Variants in MYO16 observed in about 807,000 individuals in gnomAD.
MYO16 encodes the protein myosin XVI.
MYO16 carries 94 observed loss-of-function variants against 205.3 expected under a neutral mutation model. The observed-to-expected ratio is 0.46, with a 90% CI of 0.39 to 0.54. The LOEUF is 0.54. Ranked by LOEUF, MYO16 falls within the 20% of genes least tolerant of loss-of-function variation. The probability of loss-of-function intolerance (pLI) is 0.00; values close to 1 mark genes in which losing one functional copy is unlikely to be tolerated. For synonymous variants in MYO16, 988 were observed against 954.0 expected (o/e 1.04, Z -0.66); for missense variants, 2,315 against 2,387.5 (o/e 0.97, Z 0.63).
chr13:108,575,356 C>T, the MYO16 span, among the ~76,000 whole-genome samples: 1 of 152,168 alleles, frequency 6.6e-6, no homozygotes, highest in Non-Finnish European at 1.5e-5. Flanking sequence ...CCTTTGCCTG[C>T]ACACCTCTAG....
At chr13:109,052,001 G>C (rs1887261429) in intron 24 of MYO16, among the ~76,000 whole-genome samples, 1 of 152,148 alleles carries the variant, frequency 6.6e-6, no homozygotes, top group African/African-American at 2.4e-5. Flanking sequence ...CCTTAGGTCT[G>C]AGCAGGTAAG....
intron 1 of MYO16, among the ~76,000 whole-genome samples, chr13:108,608,124 A>G (rs1054137204): frequency 7.2e-5 from 11 of 151,900 alleles, no homozygotes; most frequent in African/African-American, 2.2e-4. Flanking sequence ...ATTTCTGGAA[A>G]CTCTGATTTT....
At chr13:108,837,846 A>T (rs2139056415) in intron 9 of MYO16, among the ~76,000 whole-genome samples, 1 of 152,294 alleles carries the variant, frequency 6.6e-6, no homozygotes, top group African/African-American at 2.4e-5. Context: ...ATTTATTCTA[A>T]AGAAATCTTT....
chr13:108,815,682 C>A (rs543492839), intron 7 of MYO16, among the ~76,000 whole-genome samples: 2 of 152,262 alleles, frequency 1.3e-5, no homozygotes, highest in South Asian at 2.1e-4. Flanking sequence ...AAGCCACGAA[C>A]CTTGTGGTGA....
chr13:108,578,239 T>A, the MYO16 span, among the ~76,000 whole-genome samples: 39 of 152,308 alleles, frequency 2.6e-4, no homozygotes, highest in African/African-American at 9.1e-4. Context: ...AGCTGGGAAA[T>A]CTGTGTAGGG....
At chr13:109,029,068 A>G (rs1344531981) in intron 23 of MYO16, among the ~76,000 whole-genome samples, 1 of 150,238 alleles carries the variant, frequency 6.7e-6, no homozygotes, top group African/African-American at 2.4e-5. Context: ...TAGATGATCT[A>G]GTGATGAAAG....
intron 2 of MYO16, among the ~76,000 whole-genome samples, chr13:108,666,968 G>C (rs933089843): frequency 6.6e-6 from 1 of 152,096 alleles, no homozygotes; most frequent in African/African-American, 2.4e-5. Flanking sequence ...ACCTTGACTG[G>C]CTCTCAAATC....
intron 15 of MYO16, among the ~76,000 whole-genome samples, chr13:108,903,227 T>C (rs1355911789): frequency 6.6e-6 from 1 of 152,248 alleles, no homozygotes; most frequent in East Asian, 1.9e-4. Context: ...AACAATCTCC[T>C]ACCCCTGGAA....
intron 32 of MYO16, among the ~76,000 whole-genome samples, chr13:109,158,634 C>T (rs1175634916): frequency 6.6e-6 from 1 of 152,148 alleles, no homozygotes; most frequent in Non-Finnish European, 1.5e-5. Context: ...AAGATTTCAT[C>T]ATGTAGATTA....
intron 27 of MYO16, among the ~76,000 whole-genome samples, chr13:109,071,806 C>G (rs568841329): frequency 6.6e-6 from 1 of 152,110 alleles, no homozygotes; most frequent in African/African-American, 2.4e-5. Flanking sequence ...ATCACAGGAA[C>G]TAGTAAAATA....
intron 16 of MYO16, among the ~76,000 whole-genome samples, chr13:108,918,348 G>A (rs538918343): frequency 1.6e-4 from 24 of 152,302 alleles, no homozygotes; most frequent in East Asian, 1.3e-3. Context: ...ATAAAATTGC[G>A]CAAGAAACTA....
chr13:108,855,429 C>A lies in MYO16; in HGVS notation c.1249-14C>A. On this transcript the variant is annotated splice_polypyrimidine_tract_variant and intron_variant, in intron 10 of 34. Coordinates refer to ENST00000457511, the MANE Select transcript of MYO16 (RefSeq NM_001198950.3). ...AAGCAATTAGAATTGATCATACTTT[C>A]GGTTCTTCCCCAGGTCAAGCTAATG... 1 of 1,503,680 alleles carries A rather than the reference C, an allele frequency of 6.7e-7. No individual in the cohort carries two copies. The highest frequency in any genetic ancestry group is 9.1e-7 in the Non-Finnish European group (1 of 1,097,434). 93.1% of individuals were successfully genotyped at this position (1,503,680 alleles called of 1,614,324 possible). A position where few individuals can be genotyped will look rare whatever the true frequency, so the allele number is the denominator to read the frequency against.
intron 23 of MYO16, among the ~76,000 whole-genome samples, chr13:109,020,184 G>C (rs994134846): frequency 1.3e-5 from 2 of 152,140 alleles, no homozygotes; most frequent in African/African-American, 4.8e-5. Context: ...TTAATACAAA[G>C]AGCTCTGCTA....
intron 20 of MYO16, among the ~76,000 whole-genome samples, chr13:108,983,031 G>A (rs116028392): frequency 0.019 from 2,842 of 152,018 alleles, 81 homozygotes; most frequent in African/African-American, 0.065. Context: ...ATTGATATCC[G>A]TCTCCCGACT....
Position 109,127,051 on chromosome 13 carries a change from G to A in MYO16, c.3783-231G>A, listed in dbSNP as rs1382703153. Among the ~76,000 whole-genome samples, 4 of 152,182 alleles carry A rather than the reference G, an allele frequency of 2.6e-5. No homozygotes were observed. The highest frequency in any genetic ancestry group is 7.2e-5 in the African/African-American group (3 of 41,448). ...AGAATGTTTAAAAAGTAATCATGAT[G>A]GATATCCCGCGGGCTCATGTGCTTT... On this transcript the variant is annotated intron_variant, in intron 30 of 34. Transcript: ENST00000457511. This position sits in a 1 kb window ranked among gnomAD's most constrained non-coding sequence, Gnocchi z 4.2.
At chr13:108,911,955 C>T (rs572618113) in intron 16 of MYO16, among the ~76,000 whole-genome samples, 2 of 152,298 alleles carry the variant, frequency 1.3e-5, no homozygotes, top group African/African-American at 2.4e-5. Flanking sequence ...CCATTTACCT[C>T]GTGACAAGGC....
chr13:108,593,462 C>T (rs181213989), upstream of MYO16, among the ~76,000 whole-genome samples: 28 of 152,280 alleles, frequency 1.8e-4, no homozygotes, highest in East Asian at 5.2e-3. Context: ...CACCTGGACG[C>T]ACCTGAGACA....
At chr13:109,138,642 G>A (rs1002491501) in intron 31 of MYO16, among the ~76,000 whole-genome samples, 1 of 151,940 alleles carries the variant, frequency 6.6e-6, no homozygotes, top group Admixed American at 6.6e-5. Flanking sequence ...TTAGGGAAAT[G>A]TTATTCTCTT....
Position 109,127,730 on chromosome 13 carries a change from G to T in MYO16, c.4051+180G>T. On this transcript the variant is annotated intron_variant, in intron 31 of 34. Coordinates refer to ENST00000457511, the MANE Select transcript of MYO16 (RefSeq NM_001198950.3). The surrounding 1 kb of genome is among the most constrained non-coding windows in gnomAD (Gnocchi z 4.2). ...AAATAATATTTATTCAAATCTCTAA[G>T]CCTCTTAGGGAAAAGCTACTTACAT... 1 of 626,690 alleles carries T rather than the reference G, an allele frequency of 1.6e-6. No individual in the cohort carries two copies. The highest frequency in any genetic ancestry group is 2.6e-6 in the Non-Finnish European group (1 of 388,610). 38.8% of individuals were successfully genotyped at this position (626,690 alleles called of 1,614,324 possible).
Sources: gnomAD v4.1 joint callset for allele counts (sites outside exome capture counted in the v4.1 genomes callset) on GRCh38, gnomAD v4.1.1 for gene constraint, Gnocchi (gnomAD v3.1) non-coding constraint, MANE v1.5 for transcripts, NCBI Gene and HGNC (gene_info 2026-07-23, HGNC 2026-07-21) for gene names.